The following TSGA10IP variants were observed in gnomAD, a reference collection of about 807,000 sequenced individuals.
The protein encoded by TSGA10IP is testis specific 10 interacting protein.
In TSGA10IP, 64 loss-of-function variants were observed where a neutral mutation model predicts 63.2. The ratio of observed to expected loss-of-function variants is 1.01; its 90% confidence interval spans 0.83 to 1.25. The LOEUF (loss-of-function observed/expected upper bound fraction) is 1.25. Ranked by LOEUF, TSGA10IP falls within the 50% of genes most tolerant of loss-of-function variation. The pLI is 0.00. For synonymous variants in TSGA10IP, 316 were observed against 298.3 expected (o/e 1.06, Z -0.61); for missense variants, 681 against 710.1 (o/e 0.96, Z 0.47).
At position 65,953,729 on chromosome 11, in the gene TSGA10IP, G is replaced by A. The variant is rs760720401; in HGVS notation, c.1314G>A (p.Glu438=). The change falls in exon 5 of 8, where the codon GAG becomes GAA. Residue 438 remains glutamate, a synonymous_variant. Transcript: ENST00000532620. ...CTGGGGCGGCCCAGCGCAAGCTGGA[G>A]GAGCTGAGGTAGGGAGCCTGGGCTT... is the stretch of plus-strand genomic sequence containing the variant. 6 of 1,532,010 alleles carry A rather than the reference G, an allele frequency of 3.9e-6. No homozygotes were observed. The Admixed American group carries it at 1.2e-4, about 31-fold the overall frequency. The allele number at this position is 1,532,010 out of a possible 1,614,324, so 94.9% of individuals were successfully genotyped here.
At chr11:65,950,765 T>C (rs913138108) in intron 4 of TSGA10IP, among the ~76,000 whole-genome samples, 22 of 152,122 alleles carry the variant, frequency 1.4e-4, no homozygotes, top group African/African-American at 5.3e-4. Context: ...GGTTTCACTG[T>C]GTTAGCCAGG....
exon 3 of TSGA10IP, chr11:65,947,146 C>T (rs1167162593): frequency 6.2e-7 from 1 of 1,612,028 alleles, no homozygotes; most frequent in Admixed American, 1.7e-5. Context: ...CCTCCTTCCC[C>T]TTCCAGTGGG....
Position 65,957,750 on chromosome 11 carries a change from G to A in TSGA10IP, c.1323-1133G>A, listed in dbSNP as rs138126822. 1.3e-3 allele frequency among the ~76,000 whole-genome samples: 198 copies of A among 152,070 alleles called. 1 individual carries two copies. Among genetic ancestry groups the A allele is most frequent in the African/African-American group, 4.6e-3 (190 of 41,482 alleles). ...TTGTCTGTGTCTCCCCTCCCCTCCT[G>A]TCCTCTTGTCTGCGTCTTCCCTCCC... is the stretch of plus-strand genomic sequence containing the variant. On this transcript the variant is annotated intron_variant, in intron 5 of 7. Coordinates refer to ENST00000532620, the Ensembl canonical transcript of TSGA10IP.
intron 4 of TSGA10IP, among the ~76,000 whole-genome samples, chr11:65,950,663 C>T (rs371628739): frequency 1.3e-5 from 2 of 151,936 alleles, no homozygotes; most frequent in South Asian, 4.2e-4. Context: ...CCCGGGTTCA[C>T]GCCATTCTCC....
chr11:65,946,363 G>A (rs779220174), intron 1 of TSGA10IP, among the ~76,000 whole-genome samples: 171 of 152,150 alleles, frequency 1.1e-3, no homozygotes, highest in Non-Finnish European at 2.1e-3. Flanking sequence ...CACACAATAG[G>A]TGCTCAGCAG....
exon 3 of TSGA10IP, chr11:65,947,389 G>A: frequency 6.2e-7 from 1 of 1,613,042 alleles, no homozygotes; most frequent in South Asian, 1.1e-5. Flanking sequence ...CTGGCAAAGG[G>A]GAGCTAGGAT....
intron 5 of TSGA10IP, among the ~76,000 whole-genome samples, chr11:65,958,395 C>T (rs1047330593): frequency 2.6e-5 from 4 of 152,164 alleles, no homozygotes; most frequent in African/African-American, 9.7e-5. Context: ...AGAATGCTGG[C>T]AAGCTTGTCC....
chr11:65,959,779 G>A, intron 7 of TSGA10IP, 38 bp from the exon 8 acceptor site: 2 of 1,532,888 alleles, frequency 1.3e-6, no homozygotes, highest in Non-Finnish European at 1.8e-6. Flanking sequence ...ATGGGGGTGG[G>A]AGCTGCAGAG....
rs185403886 is a variant in TSGA10IP at position 65,947,295 on chromosome 11, C to T, written c.470C>T (p.Ala157Val). ...AAGTCCACGGCCAACCTCCCAGAGG[C>T]CCATGGCTGCTGCTGGAAGACAGAG... is the stretch of plus-strand genomic sequence containing the variant. Residue 157 changes from alanine (A) to valine (V), a missense_variant, in exon 3 of 8, where the codon GCC becomes GTC. Transcript: ENST00000532620. 66 of 1,612,388 alleles carry T rather than the reference C, an allele frequency of 4.1e-5. No homozygotes were observed. In the East Asian group the frequency reaches 1.4e-3, roughly 35 times the overall value.
intron 1 of TSGA10IP, 139 bp from the exon 2 acceptor site, chr11:65,946,737 TTTGG>T: frequency 1.2e-6 from 1 of 861,964 alleles, no homozygotes; most frequent in South Asian, 1.8e-5. Context: ...TCCAGCCCTG[TTTGG>T]TTGGTTTTTA....
rs747994013 is a variant in TSGA10IP at position 65,947,861 on chromosome 11, G to A, written c.1003+33G>A. 8.5e-5 allele frequency: 129 copies of A among 1,522,216 alleles called. No homozygotes were observed. The Middle Eastern group carries it at 2.0e-3, about 23-fold the overall frequency. The allele number at this position is 1,522,216 out of a possible 1,614,324, so 94.3% of individuals were successfully genotyped here. On this transcript the variant is annotated intron_variant, in intron 3 of 7. Transcript: ENST00000532620. The stretch of plus-strand genomic sequence containing the variant: ...TGGGGCTCAGAGCCTGGATTCCCCC[G>A]AAGCTACACCGCAGGGAACAGGGAG...
exon 1 of TSGA10IP, chr11:65,945,721 A>T (rs755396329): frequency 6.2e-7 from 1 of 1,612,558 alleles, no homozygotes; most frequent in Non-Finnish European, 8.5e-7. Flanking sequence ...ACAGTTGGTT[A>T]GGACCCCGTC....
chr11:65,947,936 G>A, intron 3 of TSGA10IP, 65 bp from the exon 4 acceptor site: 1 of 1,523,608 alleles, frequency 6.6e-7, no homozygotes, highest in South Asian at 1.3e-5. Flanking sequence ...TCTGGGTGCT[G>A]GGGGGCGTTG....
exon 1 of TSGA10IP, chr11:65,945,535 C>G: frequency 1.1e-6 from 1 of 903,854 alleles, no homozygotes; most frequent in Non-Finnish European, 1.7e-6. Flanking sequence ...AACTCTCTCC[C>G]AGAAGGAGAT....
chr11:65,950,313 A>G (rs1001657459), intron 4 of TSGA10IP, among the ~76,000 whole-genome samples: 2 of 151,936 alleles, frequency 1.3e-5, no homozygotes, highest in African/African-American at 4.8e-5. Context: ...TTTGACCAAC[A>G]TCTCCCTTCT....
intron 4 of TSGA10IP, among the ~76,000 whole-genome samples, chr11:65,952,673 A>C (rs1854961170): frequency 6.6e-6 from 1 of 151,032 alleles, no homozygotes; most frequent in African/African-American, 2.4e-5. Flanking sequence ...TTGTATATAT[A>C]GACCACCTTT....
chr11:65,959,264 G>A (rs373566789), exon 7 of TSGA10IP: 91 of 1,610,862 alleles, frequency 5.6e-5, no homozygotes, highest in African/African-American at 4.7e-4. Flanking sequence ...AGGAGCAGCT[G>A]CTGTCTGAGG....
chr11:65,948,241 C>T, intron 4 of TSGA10IP, 93 bp downstream of exon 4: 5 of 1,420,716 alleles, frequency 3.5e-6, no homozygotes, highest in Non-Finnish European at 4.7e-6. Flanking sequence ...AACTCTCATT[C>T]ATTTCTTTAT....
chr11:65,951,569 G>A (rs1359723282), intron 4 of TSGA10IP, among the ~76,000 whole-genome samples: 2 of 110,294 alleles, frequency 1.8e-5, no homozygotes, highest in East Asian at 5.0e-4. Flanking sequence ...ATGGAGTCTC[G>A]CTCTGTCGCC....
Sources: allele counts gnomAD v4.1 joint callset (sites outside exome capture counted in the v4.1 genomes callset), GRCh38; gene constraint gnomAD v4.1.1; transcripts MANE v1.5; gene names NCBI Gene and HGNC (gene_info 2026-07-23, HGNC 2026-07-21).